TEX36: variants seen among roughly 807,000 people sequenced by gnomAD.
TEX36 encodes the protein testis expressed 36.
A neutral mutation model predicts 13.6 loss-of-function variants in TEX36; 12 were observed. The ratio of observed to expected loss-of-function variants is 0.88; its 90% confidence interval spans 0.56 to 1.43. The LOEUF (loss-of-function observed/expected upper bound fraction) is 1.43, where lower values mean the gene tolerates loss of function less well. Among genes scored for constraint, TEX36 ranks in the 40% most tolerant of loss-of-function variants. TEX36 has a pLI of 0.00. For synonymous variants in TEX36, 93 were observed against 83.0 expected (o/e 1.12, Z -0.65); for missense variants, 224 against 228.3 (o/e 0.98, Z 0.12).
chr10:125,595,919 G>A (rs1846077480), intron 3 of TEX36, among the ~76,000 whole-genome samples: 1 of 152,130 alleles, frequency 6.6e-6, no homozygotes. Flanking sequence ...CCAAAGTCCT[G>A]GAACTGTGCC....
chr10:125,632,275 C>G (rs1488706926), intron 3 of TEX36, among the ~76,000 whole-genome samples: 1 of 152,062 alleles, frequency 6.6e-6, no homozygotes, highest in Non-Finnish European at 1.5e-5. Flanking sequence ...CGTGAGACGT[C>G]CAGGGAGCAA....
exon 4 of TEX36, chr10:125,576,615 C>T: frequency 8.0e-7 from 1 of 1,256,186 alleles, no homozygotes; most frequent in Non-Finnish European, 1.1e-6. Flanking sequence ...TTTATTTTTC[C>T]AAGAATGCTG....
chr10:125,587,049 C>A (rs543446186), intron 3 of TEX36, among the ~76,000 whole-genome samples: 1 of 152,284 alleles, frequency 6.6e-6, no homozygotes, highest in East Asian at 1.9e-4. Context: ...TGTAGACGTG[C>A]CTACTTCCTC....
At chr10:125,677,128 A>C (rs1203535134) in intron 1 of TEX36, among the ~76,000 whole-genome samples, 1 of 152,308 alleles carries the variant, frequency 6.6e-6, no homozygotes, top group Middle Eastern at 3.4e-3. Flanking sequence ...TTTTTAAAAA[A>C]TTTGTTCTGT....
At chr10:125,679,983 C>T (rs1847370349) in intron 1 of TEX36, among the ~76,000 whole-genome samples, 1 of 152,222 alleles carries the variant, frequency 6.6e-6, no homozygotes, top group Admixed American at 6.5e-5. Context: ...AAGACTTACA[C>T]TGCTTTACAA....
chr10:125,608,139 A>G, intron 3 of TEX36, among the ~76,000 whole-genome samples: 1 of 152,206 alleles, frequency 6.6e-6, no homozygotes, highest in Non-Finnish European at 1.5e-5. Context: ...CGGGGAAAAC[A>G]GTCACTAAAC....
chr10:125,583,365 A>G (rs992033502), intron 3 of TEX36, among the ~76,000 whole-genome samples: 1 of 151,426 alleles, frequency 6.6e-6, no homozygotes, highest in Non-Finnish European at 1.5e-5. Context: ...TGGTAAGGGC[A>G]TGGTCTGTGT....
intron 3 of TEX36, among the ~76,000 whole-genome samples, 182 bp downstream of exon 3, chr10:125,660,839 G>A (rs12245845): frequency 1.5e-3 from 156 of 100,866 alleles, no homozygotes; most frequent in African/African-American, 5.1e-3. Context: ...TGAAAGCGGC[G>A]TGGAATTCTG....
intron 3 of TEX36, among the ~76,000 whole-genome samples, chr10:125,637,605 C>T (rs1208238853): frequency 6.6e-6 from 1 of 152,096 alleles, no homozygotes; most frequent in African/African-American, 2.4e-5. Flanking sequence ...ACATTTCCTC[C>T]AGTCCTACCA....
At chr10:125,677,184 C>A (rs543263410) in intron 1 of TEX36, among the ~76,000 whole-genome samples, 3 of 152,138 alleles carry the variant, frequency 2.0e-5, no homozygotes, top group African/African-American at 7.2e-5. Flanking sequence ...ATGGAGAAGA[C>A]CTTTTTGTAT....
intron 3 of TEX36, among the ~76,000 whole-genome samples, chr10:125,578,668 A>T (rs1019476390): frequency 3.9e-5 from 6 of 152,150 alleles, no homozygotes; most frequent in African/African-American, 1.2e-4. Context: ...GTCTATAAAC[A>T]TTCTGTGGCT....
chr10:125,600,214 T>C (rs1311587527), intron 3 of TEX36, among the ~76,000 whole-genome samples: 1 of 152,190 alleles, frequency 6.6e-6, no homozygotes, highest in Admixed American at 6.5e-5. Flanking sequence ...AAAGTCTGCA[T>C]GAGAAAACTA....
downstream of TEX36, among the ~76,000 whole-genome samples, chr10:125,621,273 C>T (rs1177793147): frequency 6.6e-5 from 10 of 152,174 alleles, no homozygotes; most frequent in East Asian, 9.7e-4. Context: ...GAGGAGCCAT[C>T]GTGTGTTAAG....
chr10:125,631,744 A>G (rs1846557102), intron 3 of TEX36, among the ~76,000 whole-genome samples: 1 of 152,182 alleles, frequency 6.6e-6, no homozygotes, highest in Non-Finnish European at 1.5e-5. Flanking sequence ...AGCGATGTCA[A>G]CGCGTGCTAT....
intron 3 of TEX36, among the ~76,000 whole-genome samples, chr10:125,633,602 G>A (rs550614451): frequency 1.3e-5 from 2 of 152,180 alleles, no homozygotes; most frequent in East Asian, 1.9e-4. Context: ...ATAAGCAGAC[G>A]GCTTTTTAGT....
intron 3 of TEX36, among the ~76,000 whole-genome samples, chr10:125,647,915 C>T (rs1283736327): frequency 6.6e-6 from 1 of 152,222 alleles, no homozygotes; most frequent in Non-Finnish European, 1.5e-5. Flanking sequence ...GCTAGCACAG[C>T]AGTCTGAGAT....
chr10:125,638,554 T>C (rs891904779), intron 3 of TEX36, among the ~76,000 whole-genome samples: 2 of 152,152 alleles, frequency 1.3e-5, no homozygotes, highest in Non-Finnish European at 2.9e-5. Flanking sequence ...CCCCCAGAAT[T>C]ATCAGATAAT....
At chr10:125,637,701 T>A (rs1203234874) in intron 3 of TEX36, among the ~76,000 whole-genome samples, 1 of 152,044 alleles carries the variant, frequency 6.6e-6, no homozygotes, top group Non-Finnish European at 1.5e-5. Context: ...GGTACCTGAC[T>A]CAGCCGGTCC....
intron 3 of TEX36, among the ~76,000 whole-genome samples, chr10:125,623,552 A>G (rs1054572933): frequency 2.0e-5 from 3 of 151,216 alleles, no homozygotes; most frequent in African/African-American, 7.3e-5. Flanking sequence ...ACTCGGAAAT[A>G]TCCCCAGGAT....
Sources: allele counts gnomAD v4.1 joint callset (sites outside exome capture counted in the v4.1 genomes callset), GRCh38; gene constraint gnomAD v4.1.1; transcripts MANE v1.5; gene names NCBI Gene and HGNC (gene_info 2026-07-23, HGNC 2026-07-21).